The following LPP variants were observed in gnomAD, a reference collection of about 807,000 sequenced individuals.
LPP encodes the protein LIM domain containing preferred translocation partner in lipoma, also known as lipoma-preferred partner.
In LPP, 38 loss-of-function variants were observed where a neutral mutation model predicts 60.4. The observed-to-expected ratio is 0.63, with a 90% CI of 0.49 to 0.83. LPP has a LOEUF of 0.83. Among genes scored for constraint, LPP ranks in the 40% least tolerant of loss-of-function variants. The pLI, the probability that LPP is intolerant of heterozygous loss-of-function variation, is 0.00. For synonymous variants in LPP, 328 were observed against 290.8 expected (o/e 1.13, Z -1.30); for missense variants, 902 against 783.6 (o/e 1.15, Z -1.80).
intron 3 of LPP, among the ~76,000 whole-genome samples, chr3:188,357,286 G>A (rs1427104149): frequency 6.6e-6 from 1 of 152,010 alleles, no homozygotes; most frequent in Non-Finnish European, 1.5e-5. Flanking sequence ...GAAGGTGAAC[G>A]GCTATTTCAC....
chr3:188,779,825 C>G (rs777033024), intron 9 of LPP, among the ~76,000 whole-genome samples: 2 of 152,096 alleles, frequency 1.3e-5, no homozygotes, highest in Non-Finnish European at 2.9e-5. Context: ...TTCCACTTGG[C>G]AGCCTTTTAA....
intron 7 of LPP, among the ~76,000 whole-genome samples, chr3:188,616,685 A>G (rs1844916115): frequency 6.6e-6 from 1 of 152,134 alleles, no homozygotes; most frequent in African/African-American, 2.4e-5. Context: ...CTTTAGATCA[A>G]TTTGAAAAGA....
chr3:188,770,168 C>CTTTT (rs57278260), intron 9 of LPP, among the ~76,000 whole-genome samples: 4 of 64,598 alleles, frequency 6.2e-5, no homozygotes, highest in Non-Finnish European at 9.0e-5. Context: ...AGTTATAATT[C>CTTTT]TTTTTTTTTT....
intron 1 of LPP, among the ~76,000 whole-genome samples, chr3:188,202,337 A>G (rs1164543442): frequency 1.3e-5 from 2 of 152,124 alleles, no homozygotes; most frequent in African/African-American, 4.8e-5. Context: ...TAGAGAATAC[A>G]TGGAAAGGGC....
At chr3:188,248,961 G>A (rs1447424687) in intron 2 of LPP, among the ~76,000 whole-genome samples, 1 of 152,096 alleles carries the variant, frequency 6.6e-6, no homozygotes, top group Non-Finnish European at 1.5e-5. Flanking sequence ...GAATTTCAGA[G>A]GCTTGAACTG....
chr3:188,302,807 A>G (rs1750337829), intron 2 of LPP, among the ~76,000 whole-genome samples: 1 of 152,210 alleles, frequency 6.6e-6, no homozygotes, highest in Admixed American at 6.5e-5. Context: ...GACTTTTGAA[A>G]TCACAGCACA....
intron 1 of LPP, among the ~76,000 whole-genome samples, chr3:188,215,079 G>T (rs1712988733): frequency 6.6e-6 from 1 of 152,156 alleles, no homozygotes; most frequent in Non-Finnish European, 1.5e-5. Flanking sequence ...GCCGAGGTGG[G>T]CAGATCACTT....
At chr3:188,844,183 T>C (rs1452840183) in intron 9 of LPP, among the ~76,000 whole-genome samples, 1 of 152,244 alleles carries the variant, frequency 6.6e-6, no homozygotes, top group Non-Finnish European at 1.5e-5. Flanking sequence ...GGTGGCACCT[T>C]CTAAACTGTT....
At chr3:188,757,685 C>T (rs966091015) in intron 8 of LPP, among the ~76,000 whole-genome samples, 2 of 151,966 alleles carry the variant, frequency 1.3e-5, no homozygotes, top group Admixed American at 1.3e-4. Context: ...GACCTGCCTG[C>T]ATTTAACAAA....
chr3:188,694,193 G>A (rs149038499), intron 7 of LPP, among the ~76,000 whole-genome samples: 6 of 152,172 alleles, frequency 3.9e-5, no homozygotes, highest in Non-Finnish European at 8.8e-5. Flanking sequence ...TTTTCAGTTT[G>A]GTCACTGGAA....
rs185195360 is a variant in LPP at position 188,646,115 on chromosome 3, G to A, written c.1113+36271G>A. On this transcript the variant is annotated intron_variant, in intron 7 of 11. Coordinates refer to ENST00000617246, the MANE Select transcript of LPP (RefSeq NM_001375462.1). ...AATATTTTTTCTTTTTATCAGGGTTGTTGTTAGGAAGAAATGATATTATGG... is the reference window on the plus strand; with the variant it reads ...AATATTTTTTCTTTTTATCAGGGTTATTGTTAGGAAGAAATGATATTATGG... Among the ~76,000 whole-genome samples the A allele has an allele frequency of 1.4e-4, 21 of 152,286 alleles. No individual in the cohort carries two copies. In the East Asian group the frequency reaches 3.9e-3, roughly 28 times the overall value.
chr3:188,775,644 T>C (rs1737506468), intron 9 of LPP, among the ~76,000 whole-genome samples: 1 of 152,190 alleles, frequency 6.6e-6, no homozygotes, highest in Admixed American at 6.5e-5. Flanking sequence ...GTCTGCAGGT[T>C]ACTCCAGCAA....
chr3:188,828,640 A>AAAAAAAT (rs1756306374), intron 9 of LPP, among the ~76,000 whole-genome samples: 4 of 146,974 alleles, frequency 2.7e-5, no homozygotes, highest in Admixed American at 6.8e-5. Context: ...AAAAAAAAAA[A>AAAAAAAT]CTCAGCTGCA....
At chr3:188,514,624 T>C (rs921167327) in intron 5 of LPP, among the ~76,000 whole-genome samples, 1 of 152,014 alleles carries the variant, frequency 6.6e-6, no homozygotes. Context: ...GTATTTTTAG[T>C]AGAGATGGCG....
intron 2 of LPP, among the ~76,000 whole-genome samples, chr3:188,339,558 C>G (rs908666735): frequency 6.6e-6 from 1 of 152,152 alleles, no homozygotes; most frequent in Non-Finnish European, 1.5e-5. Context: ...GAACAGGCAC[C>G]TTCTTCACAG....
intron 7 of LPP, among the ~76,000 whole-genome samples, chr3:188,638,724 GACAA>G (rs1158535468): frequency 1.4e-5 from 2 of 143,610 alleles, no homozygotes; most frequent in South Asian, 2.3e-4. Context: ...ACCAACAACA[GACAA>G]ACAGAGAGCC....
At chr3:188,516,427 T>C (rs1045424167) in intron 5 of LPP, among the ~76,000 whole-genome samples, 8 of 152,130 alleles carry the variant, frequency 5.3e-5, no homozygotes, top group African/African-American at 1.9e-4. Context: ...GAGATTATAT[T>C]AAATAGAAAT....
intron 9 of LPP, among the ~76,000 whole-genome samples, chr3:188,850,381 G>A (rs1386062511): frequency 2.0e-5 from 3 of 152,158 alleles, no homozygotes; most frequent in African/African-American, 7.2e-5. Context: ...AAATTTATCT[G>A]ACCTGAACTA....
intron 2 of LPP, among the ~76,000 whole-genome samples, chr3:188,334,609 T>C (rs1761135340): frequency 6.6e-6 from 1 of 152,044 alleles, no homozygotes; most frequent in Admixed American, 6.5e-5. Flanking sequence ...TTTTGTGTTT[T>C]TAGTACAGAC....
Sources: gnomAD v4.1 joint callset for allele counts (sites outside exome capture counted in the v4.1 genomes callset) on GRCh38, gnomAD v4.1.1 for gene constraint, MANE v1.5 for transcripts, NCBI Gene and HGNC (gene_info 2026-07-23, HGNC 2026-07-21) for gene names.